ROS1: variants seen among roughly 807,000 people sequenced by gnomAD.
The protein encoded by ROS1 is proto-oncogene tyrosine-protein kinase ROS.
ROS1 carries 263 observed loss-of-function variants against 273.5 expected under a neutral mutation model. The observed-to-expected ratio is 0.96, with a 90% CI of 0.87 to 1.06. ROS1 has a LOEUF of 1.06. Among genes scored for constraint, ROS1 ranks in the 50% least tolerant of loss-of-function variants. The pLI is 0.00. For missense variants in ROS1, 2,833 were observed against 2,751.1 expected, an observed-to-expected ratio of 1.03 and a Z score of -0.67; for synonymous variants, 1,008 against 954.1, an observed-to-expected ratio of 1.06 and a Z score of -1.04.
At chr6:117,328,746 C>G (rs1776827349) in intron 33 of ROS1, 1 of 613,908 alleles carries the variant, frequency 1.6e-6, no homozygotes, top group South Asian at 1.4e-5. Flanking sequence ...TTCACGTGCT[C>G]CCCGTACTGG....
chr6:117,411,646 C>G (rs1774919755), intron 4 of ROS1, among the ~76,000 whole-genome samples: 1 of 152,134 alleles, frequency 6.6e-6, no homozygotes, highest in African/African-American at 2.4e-5. Context: ...CTGCCAGTGC[C>G]CTTTCCAGCT....
rs760713115 is a variant in ROS1 at position 117,359,970 on chromosome 6, T to G, written c.3472A>C (p.Lys1158Gln). 1.2e-6 allele frequency: 2 copies of G among 1,613,764 alleles called. No homozygotes were observed. The highest frequency in any genetic ancestry group is 1.7e-6 in the Non-Finnish European group (2 of 1,179,882). Residue 1158 changes from lysine to glutamine, a missense_variant, in exon 24 of 44, where the codon AAG becomes CAG. Coordinates refer to ENST00000368507, the MANE Select transcript of ROS1 (RefSeq NM_001378902.1). The part of the protein sequence containing the change: ...FPHLITLLGN[K>Q]IVFLDMDQNQ... Reference sequence around the variant, plus strand: ...TGATCCATATCTAAAAAAACTATCTTGTTACCAAGAAGAGTTATGAGGTGA... The same window carrying G: ...TGATCCATATCTAAAAAAACTATCTGGTTACCAAGAAGAGTTATGAGGTGA...
chr6:117,303,025 T>A (rs9374649), intron 42 of ROS1, among the ~76,000 whole-genome samples: 9,590 of 152,210 alleles, frequency 0.063, 510 homozygotes, highest in East Asian at 0.26. Context: ...AATTTGACTA[T>A]CCTTATATAA....
intron 42 of ROS1, among the ~76,000 whole-genome samples, chr6:117,304,971 C>T (rs376554476): frequency 1.2e-4 from 18 of 152,262 alleles, no homozygotes; most frequent in African/African-American, 4.3e-4. Context: ...GCTTCCCCTT[C>T]ACCCTCTGCC....
In ROS1 at chr6:117,288,076, AC is replaced by A. The variant is rs1174802477; in HGVS notation, c.*415del. 6.6e-6 allele frequency among the ~76,000 whole-genome samples: 1 copy of A among 151,740 alleles called. No homozygotes were observed. Among genetic ancestry groups the A allele is most frequent in the Non-Finnish European group, 1.5e-5 (1 of 67,944 alleles). On this transcript the variant is annotated 3_prime_UTR_variant, in exon 44 of 44. Coordinates refer to ENST00000368507, the MANE Select transcript of ROS1 (RefSeq NM_001378902.1). ...TTTGAGATTATCTGTAGTTCAGTTG[AC>A]CCCCCTGAGCCTACTCCTTAGCCTC...
chr6:117,341,092 T>A, intron 31 of ROS1, 43 bp downstream of exon 31: 1 of 1,358,358 alleles, frequency 7.4e-7, no homozygotes, highest in South Asian at 1.3e-5. Flanking sequence ...CCCTTTCCAA[T>A]TTATTCTATA....
At chr6:117,420,516 C>T (rs1369507411) in intron 1 of ROS1, among the ~76,000 whole-genome samples, 1 of 150,712 alleles carries the variant, frequency 6.6e-6, no homozygotes, top group East Asian at 2.0e-4. Flanking sequence ...ACCAACATGG[C>T]ACAAGTATAC....
intron 12 of ROS1, among the ~76,000 whole-genome samples, chr6:117,392,643 A>C (rs1647094531): frequency 6.6e-6 from 1 of 152,216 alleles, no homozygotes; most frequent in Non-Finnish European, 1.5e-5. Flanking sequence ...CATAGACATG[A>C]TATTACTTGC....
intron 2 of ROS1, among the ~76,000 whole-genome samples, chr6:117,417,756 A>T (rs1341016134): frequency 6.6e-6 from 1 of 152,184 alleles, no homozygotes; most frequent in Non-Finnish European, 1.5e-5. Flanking sequence ...TTGTGTCTTG[A>T]CAAAAAGGGC....
At chr6:117,384,045 AG>A (rs1400061634) in intron 16 of ROS1, among the ~76,000 whole-genome samples, 1 of 152,224 alleles carries the variant, frequency 6.6e-6, no homozygotes, top group East Asian at 1.9e-4. Flanking sequence ...AGTGGATTAA[AG>A]TTAAACAATT....
At chr6:117,378,640 A>G (rs1202706459) in intron 18 of ROS1, among the ~76,000 whole-genome samples, 1 of 152,236 alleles carries the variant, frequency 6.6e-6, no homozygotes, top group Non-Finnish European at 1.5e-5. Context: ...ATGTAGAGAT[A>G]CCGACAAGAT....
chr6:117,302,527 G>A (rs373661484), intron 42 of ROS1, among the ~76,000 whole-genome samples: 29 of 152,200 alleles, frequency 1.9e-4, no homozygotes, highest in African/African-American at 6.3e-4. Context: ...TTCTTTTGAC[G>A]CTTCCCCACT....
chr6:117,389,025 A>G (rs1173793742), intron 13 of ROS1, among the ~76,000 whole-genome samples: 2 of 152,194 alleles, frequency 1.3e-5, no homozygotes, highest in Non-Finnish European at 2.9e-5. Flanking sequence ...CAAGCTTTCA[A>G]CAGCACAAAA....
intron 26 of ROS1, among the ~76,000 whole-genome samples, chr6:117,353,988 G>A (rs72963586): frequency 0.036 from 5,428 of 152,230 alleles, 135 homozygotes; most frequent in Non-Finnish European, 0.055. Flanking sequence ...ACGGGAGGGC[G>A]ACTAGGACAA....
chr6:117,318,292 A>T lies in ROS1; in HGVS notation c.5923-40T>A, dbSNP rs1313579208. ...AACAAGTCAGGAATCAGTATAGCAG[A>T]CATTTCTGTGAGCTCAGTGGGTTAA... is the stretch of plus-strand genomic sequence containing the variant. On this transcript the variant is annotated intron_variant, in intron 37 of 43. Coordinates refer to ENST00000368507, the MANE Select transcript of ROS1 (RefSeq NM_001378902.1). The T allele has an allele frequency of 2.7e-6, 4 of 1,486,328 alleles. No homozygotes were observed. In the South Asian group the frequency reaches 4.5e-5, roughly 17 times the overall value. 92.1% of individuals were successfully genotyped at this position (1,486,328 alleles called of 1,614,324 possible).
chr6:117,318,933 C>T (rs1014359077), intron 37 of ROS1, among the ~76,000 whole-genome samples: 2 of 152,110 alleles, frequency 1.3e-5, no homozygotes, highest in Non-Finnish European at 2.9e-5. Context: ...ACACACTATC[C>T]TGAACCAAAG....
chr6:117,406,780 C>A (rs1774438761), intron 5 of ROS1, among the ~76,000 whole-genome samples: 1 of 151,970 alleles, frequency 6.6e-6, no homozygotes, highest in Admixed American at 6.6e-5. Flanking sequence ...ATATTTGAAA[C>A]AAATACGAAA....
At position 117,379,178 on chromosome 6, in the gene ROS1, A is replaced by G. The variant is rs930568162; in HGVS notation, c.2482-19T>C. 17 of 1,494,206 alleles carry G rather than the reference A, an allele frequency of 1.1e-5. No homozygotes were observed. Among genetic ancestry groups the G allele is most frequent in the African/African-American group, 2.8e-5 (2 of 72,576 alleles). The allele number at this position is 1,494,206 out of a possible 1,614,324, so 92.6% of individuals were successfully genotyped here. A position where few individuals can be genotyped will look rare whatever the true frequency, so the allele number is the denominator to read the frequency against. ...CAATTACCTAAGTAGAAAGTAAGGT[A>G]AGAAAATAAACCAAATACATGTTTG... On this transcript the variant is annotated intron_variant, in intron 17 of 43. Transcript: ENST00000368507.
At chr6:117,318,336 T>A in intron 37 of ROS1, 84 bp from the exon 38 acceptor site, 1 of 965,812 alleles carries the variant, frequency 1.0e-6, no homozygotes, top group East Asian at 2.4e-5. Flanking sequence ...GTTCTGTTTG[T>A]TCTGTAATAT....
Sources: gnomAD v4.1 joint callset for allele counts (sites outside exome capture counted in the v4.1 genomes callset) on GRCh38, gnomAD v4.1.1 for gene constraint, MANE v1.5 for transcripts, NCBI Gene and HGNC (gene_info 2026-07-23, HGNC 2026-07-21) for gene names.